Variants in ZDHHC14 observed in about 807,000 individuals in gnomAD.
ZDHHC14 encodes the protein palmitoyltransferase ZDHHC14.
A neutral mutation model predicts 47.7 loss-of-function variants in ZDHHC14; 16 were observed. The ratio of observed to expected loss-of-function variants is 0.34; its 90% confidence interval spans 0.23 to 0.51. ZDHHC14 has a LOEUF of 0.51. Among genes scored for constraint, ZDHHC14 ranks in the 20% least tolerant of loss-of-function variants. ZDHHC14 has a pLI of 0.97. For missense variants in ZDHHC14, 515 were observed against 662.5 expected (o/e 0.78, Z 2.44); for synonymous variants, 293 against 278.9 (o/e 1.05, Z -0.50).
intron 7 of ZDHHC14, among the ~76,000 whole-genome samples, chr6:157,651,746 A>G (rs1562529980): frequency 6.6e-6 from 1 of 151,788 alleles, no homozygotes; most frequent in African/African-American, 2.4e-5. Flanking sequence ...TTTTTTTTGT[A>G]TTTTTAGTAG....
At chr6:157,602,337 T>C (rs982790231) in intron 3 of ZDHHC14, among the ~76,000 whole-genome samples, 8 of 149,972 alleles carry the variant, frequency 5.3e-5, no homozygotes, top group African/African-American at 2.0e-4. Flanking sequence ...TGAAACCCCG[T>C]CTCTACTAAA....
At chr6:157,516,669 T>C (rs1292757336) in intron 1 of ZDHHC14, among the ~76,000 whole-genome samples, 1 of 152,184 alleles carries the variant, frequency 6.6e-6, no homozygotes. Context: ...GCTACAGTAA[T>C]TGTGCAAGGA....
intron 1 of ZDHHC14, among the ~76,000 whole-genome samples, chr6:157,536,249 C>T (rs1010884848): frequency 7.2e-5 from 11 of 152,268 alleles, no homozygotes; most frequent in South Asian, 4.1e-4. Flanking sequence ...ATGTATGCCT[C>T]GTGGTTATGT....
intron 3 of ZDHHC14, among the ~76,000 whole-genome samples, chr6:157,598,107 C>A (rs751914028): frequency 2.0e-4 from 30 of 152,234 alleles, no homozygotes; most frequent in Admixed American, 7.2e-4. Context: ...TGAACTCAGA[C>A]TGCAGATACC....
chr6:157,579,982 C>T (rs1395007321), intron 2 of ZDHHC14, among the ~76,000 whole-genome samples: 2 of 152,194 alleles, frequency 1.3e-5, no homozygotes, highest in Admixed American at 1.3e-4. Flanking sequence ...AAGGCGAATG[C>T]TTCTAGCTTT....
intron 2 of ZDHHC14, 200 bp from the exon 3 acceptor site, chr6:157,592,788 C>T: frequency 7.2e-7 from 1 of 1,397,582 alleles, no homozygotes; most frequent in Non-Finnish European, 9.3e-7. Flanking sequence ...TCACGTGGCC[C>T]CTGCACGTGT....
intron 1 of ZDHHC14, among the ~76,000 whole-genome samples, chr6:157,398,055 C>T (rs1015293697): frequency 1.3e-5 from 2 of 150,246 alleles, no homozygotes; most frequent in African/African-American, 4.9e-5. Flanking sequence ...GCTCCCCAGC[C>T]CCCCAGCTCC....
intron 1 of ZDHHC14, among the ~76,000 whole-genome samples, chr6:157,504,308 C>A (rs555940862): frequency 5.4e-5 from 8 of 148,152 alleles, no homozygotes; most frequent in African/African-American, 2.0e-4. Context: ...CCCGGGTTCA[C>A]GCCCGGCTAA....
At chr6:157,409,308 GT>G (rs1454845599) in intron 1 of ZDHHC14, among the ~76,000 whole-genome samples, 9 of 152,210 alleles carry the variant, frequency 5.9e-5, no homozygotes, top group Non-Finnish European at 1.3e-4. Flanking sequence ...GGGACATCAG[GT>G]GGGCCCTCTG....
chr6:157,511,697 A>G (rs1780496675), intron 1 of ZDHHC14, among the ~76,000 whole-genome samples: 2 of 152,002 alleles, frequency 1.3e-5, no homozygotes, highest in Admixed American at 1.3e-4. Context: ...CCCGGCCCAC[A>G]TTTTTATATA....
chr6:157,577,539 T>G (rs866440633), intron 2 of ZDHHC14, among the ~76,000 whole-genome samples: 3 of 152,136 alleles, frequency 2.0e-5, no homozygotes, highest in African/African-American at 7.2e-5. Context: ...GCCTCTGTTT[T>G]TTTGTTTGTT....
intron 2 of ZDHHC14, among the ~76,000 whole-genome samples, chr6:157,592,038 T>C (rs771943738): frequency 2.6e-5 from 4 of 152,076 alleles, no homozygotes; most frequent in Non-Finnish European, 4.4e-5. Context: ...GCAAGGCTAA[T>C]AGGGCTCTGA....
intron 4 of ZDHHC14, 148 bp downstream of exon 4, chr6:157,628,634 C>A: frequency 9.1e-7 from 1 of 1,098,048 alleles, no homozygotes; most frequent in African/African-American, 1.6e-5. Context: ...CAGCCTGCCT[C>A]GCTTTTGTTT....
intron 1 of ZDHHC14, 30 bp downstream of exon 1, chr6:157,382,296 C>G (rs374440174): frequency 6.2e-7 from 1 of 1,609,562 alleles, no homozygotes. Flanking sequence ...CCCCCGACGC[C>G]GCACTCCCCT....
chr6:157,561,978 C>A (rs997884796), intron 2 of ZDHHC14, among the ~76,000 whole-genome samples: 3 of 151,934 alleles, frequency 2.0e-5, no homozygotes, highest in African/African-American at 4.8e-5. Context: ...CTTTTTTTCC[C>A]TTAGTATCTG....
At chr6:157,510,416 C>T (rs958035801) in intron 1 of ZDHHC14, among the ~76,000 whole-genome samples, 2 of 152,188 alleles carry the variant, frequency 1.3e-5, no homozygotes, top group African/African-American at 4.8e-5. Context: ...TGCAGGCAGC[C>T]TTCCATGCTC....
At chr6:157,603,112 C>A (rs1302811338) in intron 3 of ZDHHC14, among the ~76,000 whole-genome samples, 6 of 152,150 alleles carry the variant, frequency 3.9e-5, no homozygotes, top group African/African-American at 1.4e-4. Flanking sequence ...TGCTTCATGG[C>A]AGTGCCAGGG....
At chr6:157,435,014 T>C (rs1778411381) in intron 1 of ZDHHC14, among the ~76,000 whole-genome samples, 1 of 152,240 alleles carries the variant, frequency 6.6e-6, no homozygotes, top group African/African-American at 2.4e-5. Flanking sequence ...CACAAAGACA[T>C]AATGCAGATT....
intron 1 of ZDHHC14, among the ~76,000 whole-genome samples, chr6:157,389,803 C>T (rs775003655): frequency 1.3e-5 from 2 of 152,096 alleles, no homozygotes; most frequent in Non-Finnish European, 2.9e-5. Context: ...ATATATTTTA[C>T]ATCCATATAT....
Sources: allele counts gnomAD v4.1 joint callset (sites outside exome capture counted in the v4.1 genomes callset), GRCh38; gene constraint gnomAD v4.1.1; transcripts MANE v1.5; gene names NCBI Gene and HGNC (gene_info 2026-07-23, HGNC 2026-07-21).